The following KDM4B variants were observed in gnomAD, a reference collection of about 807,000 sequenced individuals.
The protein encoded by KDM4B is lysine demethylase 4B.
A neutral mutation model predicts 125.2 loss-of-function variants in KDM4B; 32 were observed. The ratio of observed to expected loss-of-function variants is 0.26; its 90% CI spans 0.19 to 0.34. The LOEUF (loss-of-function observed/expected upper bound fraction) is 0.34. Among genes scored for constraint, KDM4B ranks in the 10% least tolerant of loss-of-function variants. The probability of loss-of-function intolerance (pLI) is 1.00; values close to 1 mark genes in which losing one functional copy is unlikely to be tolerated. For synonymous variants in KDM4B, 721 were observed against 677.9 expected, an observed-to-expected ratio of 1.06 and a Z score of -0.99; for missense variants, 1,190 against 1,577.7, an observed-to-expected ratio of 0.75 and a Z score of 4.16.
intron 1 of KDM4B, among the ~76,000 whole-genome samples, chr19:4,974,957 C>T (rs549977133): frequency 5.9e-5 from 9 of 152,158 alleles, no homozygotes; most frequent in Non-Finnish European, 1.0e-4. Flanking sequence ...CTGGCACAGC[C>T]GCCTTCCCTG....
chr19:5,057,781 A>G (rs2037457113), intron 6 of KDM4B, among the ~76,000 whole-genome samples: 1 of 152,192 alleles, frequency 6.6e-6, no homozygotes, highest in Non-Finnish European at 1.5e-5. Flanking sequence ...GTGTGTCCCA[A>G]TTGGCGAGGG....
chr19:5,077,188 T>TC, intron 7 of KDM4B, 179 bp from the exon 8 acceptor site: 4 of 631,738 alleles, frequency 6.3e-6, no homozygotes, highest in Non-Finnish European at 1.1e-5. Flanking sequence ...CGCATCTCCT[T>TC]CCCCCCGACC....
intron 21 of KDM4B, among the ~76,000 whole-genome samples, chr19:5,148,856 C>T (rs1054331096): frequency 1.3e-5 from 2 of 152,342 alleles, no homozygotes; most frequent in Middle Eastern, 3.4e-3. Context: ...GGTGGCTTTC[C>T]TCTACAAATG....
At chr19:5,099,138 G>C (rs1008714079) in intron 9 of KDM4B, among the ~76,000 whole-genome samples, 1 of 152,236 alleles carries the variant, frequency 6.6e-6, no homozygotes, top group Non-Finnish European at 1.5e-5. Context: ...CAGTGGAGAG[G>C]ATTGCAGGGC....
At chr19:5,050,716 C>T (rs1284699395) in intron 6 of KDM4B, among the ~76,000 whole-genome samples, 6 of 152,098 alleles carry the variant, frequency 3.9e-5, no homozygotes, top group Non-Finnish European at 8.8e-5. Context: ...TTGGCTAACA[C>T]GGTGAAACCC....
intron 2 of KDM4B, among the ~76,000 whole-genome samples, chr19:5,021,103 C>T (rs1050683581): frequency 4.0e-5 from 6 of 151,148 alleles, no homozygotes; most frequent in African/African-American, 1.5e-4. Context: ...TGAGATCGCA[C>T]CACTGCACTC....
Position 5,077,378 on chromosome 19 carries a change from G to A in KDM4B, c.688G>A (p.Gly230Arg), listed in dbSNP as rs762696556. The A allele has an allele frequency of 2.5e-6, 4 of 1,612,888 alleles. No homozygotes were observed. The highest frequency in any genetic ancestry group is 3.4e-6 in the Non-Finnish European group (4 of 1,179,946). Reference protein sequence around the residue: ...LERLAIGFFPGSSQGCDAFLR... With the variant: ...LERLAIGFFPRSSQGCDAFLR... Reference sequence around the variant, plus strand: ...CTTTTCGGCCCTAGGCTTCTTCCCCGGGAGCTCGCAGGGCTGCGACGCCTT... The same window carrying A: ...CTTTTCGGCCCTAGGCTTCTTCCCCAGGAGCTCGCAGGGCTGCGACGCCTT... The change falls in exon 8 of 23, where the codon GGG (glycine) becomes AGG (arginine). Residue 230 changes from glycine (G) to arginine (R), a missense_variant. Coordinates refer to ENST00000159111, the MANE Select transcript of KDM4B (RefSeq NM_015015.3).
At chr19:5,067,193 G>A (rs1164029725) in intron 6 of KDM4B, among the ~76,000 whole-genome samples, 1 of 152,184 alleles carries the variant, frequency 6.6e-6, no homozygotes, top group Admixed American at 6.5e-5. Context: ...GGAGAGCTTA[G>A]CTTGCTGCAA....
intron 1 of KDM4B, among the ~76,000 whole-genome samples, chr19:5,005,540 A>C (rs1441077681): frequency 2.0e-5 from 3 of 152,044 alleles, no homozygotes; most frequent in South Asian, 2.1e-4. Context: ...GAGGCCCCAG[A>C]GGTGGGGGCC....
At chr19:5,129,968 G>T (rs531046280) in intron 11 of KDM4B, among the ~76,000 whole-genome samples, 1 of 152,222 alleles carries the variant, frequency 6.6e-6, no homozygotes, top group African/African-American at 2.4e-5. Context: ...ACAGAGCGCC[G>T]CTGGGCTCAC....
chr19:5,054,458 G>C (rs959549844), intron 6 of KDM4B, among the ~76,000 whole-genome samples: 1 of 113,048 alleles, frequency 8.8e-6, no homozygotes, highest in East Asian at 2.5e-4. Context: ...CTGAGAGAGA[G>C]AGAATGTGTG....
chr19:5,101,125 G>A (rs1379208964), intron 9 of KDM4B, among the ~76,000 whole-genome samples: 1 of 151,588 alleles, frequency 6.6e-6, no homozygotes, highest in African/African-American at 2.4e-5. Context: ...GGGAGGCTGA[G>A]GTAGGAGAAT....
rs1219067477 is a variant in KDM4B, at chr19:4,997,370, G to A, written c.-108-18887G>A. 2.0e-5 allele frequency among the ~76,000 whole-genome samples: 3 copies of A among 152,066 alleles called. No individual in the cohort carries two copies. The highest frequency in any genetic ancestry group is 4.8e-5 in the African/African-American group (2 of 41,388). ...TCCCCCGCCCTAGGAGTCCAGGAGC[G>A]TCGGCCCCTGGCTTCCACTGTGTCC... On this transcript the variant is annotated intron_variant, in intron 1 of 22. Coordinates refer to ENST00000159111, the MANE Select transcript of KDM4B (RefSeq NM_015015.3). This position sits in a 1 kb window ranked among gnomAD's most constrained non-coding sequence, Gnocchi z 4.2.
Position 5,018,307 on chromosome 19 carries a change from C to T in KDM4B, c.-26+1968C>T, listed in dbSNP as rs139954485. On this transcript the variant is annotated intron_variant, in intron 2 of 22. Transcript: ENST00000159111. ...CCTCCCAATGTGCTGGGGTCACAGG[C>T]GTGAGTCACCTCATCCTGCCGAAGT... is the stretch of plus-strand genomic sequence containing the variant. 1.6e-4 allele frequency among the ~76,000 whole-genome samples: 24 copies of T among 152,332 alleles called. No homozygotes were observed. In the East Asian group the frequency reaches 4.2e-3, roughly 27 times the overall value.
intron 1 of KDM4B, among the ~76,000 whole-genome samples, chr19:5,011,199 T>C (rs2035716545): frequency 6.6e-6 from 1 of 152,202 alleles, no homozygotes; most frequent in African/African-American, 2.4e-5. Context: ...CCACGTGTCC[T>C]GCAGGGCTCC....
In KDM4B at chr19:5,143,899, G is replaced by A. The variant is rs528196450; in HGVS notation, c.2551-68G>A. On this transcript the variant is annotated intron_variant, in intron 18 of 22. Transcript: ENST00000159111. ...CTTGAAGGCTGTGCCGGGAGGGGCC[G>A]GGGACTCCGTTCCAGGGTCCCTAGG... The A allele has an allele frequency of 2.3e-5, 29 of 1,259,148 alleles. 1 individual carries two copies. Among genetic ancestry groups the A allele is most frequent in the Middle Eastern group, 2.0e-4 (1 of 5,094 alleles). 78.0% of individuals were successfully genotyped at this position (1,259,148 alleles called of 1,614,324 possible). A position where few individuals can be genotyped will look rare whatever the true frequency, so the allele number is the denominator to read the frequency against.
At chr19:5,128,819 A>G (rs2039492872) in intron 11 of KDM4B, among the ~76,000 whole-genome samples, 1 of 134,688 alleles carries the variant, frequency 7.4e-6, no homozygotes, top group Non-Finnish European at 1.6e-5. Context: ...TCCCCTGGCC[A>G]GATAACAGCT....
chr19:5,028,848 G>A (rs901401699), intron 2 of KDM4B, among the ~76,000 whole-genome samples: 7 of 152,258 alleles, frequency 4.6e-5, no homozygotes, highest in South Asian at 2.1e-4. Context: ...ACCTTTTCAC[G>A]TGCTTGTTGG....
chr19:5,035,092 A>G lies in KDM4B; in HGVS notation c.141+2061A>G, dbSNP rs1291140201. Among the ~76,000 whole-genome samples the G allele has an allele frequency of 1.3e-5, 2 of 152,140 alleles. No homozygotes were observed. On this transcript the variant is annotated intron_variant, in intron 3 of 22. Coordinates refer to ENST00000159111, the MANE Select transcript of KDM4B (RefSeq NM_015015.3). This position sits in a 1 kb window ranked among gnomAD's most constrained non-coding sequence, Gnocchi z 5.3. ...CCGTCCCGGCTTCAGTTCTGTCTTT[A>G]AAAGGCTTTGGTCCTCCTATCTCAT...
Sources: gnomAD v4.1 joint callset for allele counts (sites outside exome capture counted in the v4.1 genomes callset) on GRCh38, gnomAD v4.1.1 for gene constraint, Gnocchi (gnomAD v3.1) non-coding constraint, MANE v1.5 for transcripts, NCBI Gene and HGNC (gene_info 2026-07-23, HGNC 2026-07-21) for gene names.